NRXN3: variants seen among roughly 807,000 people sequenced by gnomAD.
NRXN3 encodes neurexin III.
NRXN3 carries 32 observed loss-of-function variants against 137.6 expected under a neutral mutation model. The observed-to-expected ratio is 0.23, with a 90% CI of 0.18 to 0.31. The LOEUF (loss-of-function observed/expected upper bound fraction) is 0.31. Ranked by LOEUF, NRXN3 falls within the 10% of genes least tolerant of loss-of-function variation. The pLI, the probability that NRXN3 is intolerant of heterozygous loss-of-function variation, is 1.00. For synonymous variants in NRXN3, 798 were observed against 784.5 expected, an observed-to-expected ratio of 1.02 and a Z score of -0.29; for missense variants, 1,574 against 2,062.5, an observed-to-expected ratio of 0.76 and a Z score of 4.59.
At chr14:79,339,212 C>G (rs1346985361) in intron 15 of NRXN3, among the ~76,000 whole-genome samples, 1 of 152,124 alleles carries the variant, frequency 6.6e-6, no homozygotes, top group Non-Finnish European at 1.5e-5. Flanking sequence ...TTATTTTCAC[C>G]TAAACGTTTC....
At chr14:79,546,727 C>T (rs764815869) in intron 16 of NRXN3, among the ~76,000 whole-genome samples, 1 of 152,190 alleles carries the variant, frequency 6.6e-6, no homozygotes, top group Non-Finnish European at 1.5e-5. Flanking sequence ...ACTAGATTTA[C>T]TTCCTGATAT....
intron 15 of NRXN3, among the ~76,000 whole-genome samples, chr14:79,091,304 T>C (rs2049135119): frequency 6.6e-6 from 1 of 152,118 alleles, no homozygotes; most frequent in Non-Finnish European, 1.5e-5. Flanking sequence ...AATGTCAAGA[T>C]AAGAAATTTG....
At chr14:79,035,380 T>C (rs2099614345) in intron 15 of NRXN3, among the ~76,000 whole-genome samples, 1 of 152,096 alleles carries the variant, frequency 6.6e-6, no homozygotes, top group Non-Finnish European at 1.5e-5. Context: ...ATTCTTTTCA[T>C]TATATAAAAC....
chr14:78,644,753 G>C (rs750389780), intron 4 of NRXN3, among the ~76,000 whole-genome samples: 15 of 152,172 alleles, frequency 9.9e-5, no homozygotes, highest in Non-Finnish European at 1.5e-4. Context: ...TTCTAAACCA[G>C]CTCTTCTACA....
intron 15 of NRXN3, among the ~76,000 whole-genome samples, chr14:79,370,129 C>A (rs2094042510): frequency 6.6e-6 from 1 of 152,156 alleles, no homozygotes; most frequent in Non-Finnish European, 1.5e-5. Flanking sequence ...TCACTTCTAT[C>A]CCCACCATTT....
chr14:78,184,939 T>C (rs149328912), intron 1 of NRXN3, among the ~76,000 whole-genome samples: 49 of 152,294 alleles, frequency 3.2e-4, no homozygotes, highest in Non-Finnish European at 5.6e-4. Flanking sequence ...ATGATACAGA[T>C]TTGATTTCTT....
At chr14:78,700,667 A>G (rs1327037698) in intron 6 of NRXN3, among the ~76,000 whole-genome samples, 2 of 152,114 alleles carry the variant, frequency 1.3e-5, no homozygotes, top group Non-Finnish European at 2.9e-5. Context: ...AGCTTAGTGG[A>G]CTCTGTGAAA....
chr14:78,873,469 C>G (rs1227811241), intron 10 of NRXN3, among the ~76,000 whole-genome samples: 3 of 152,114 alleles, frequency 2.0e-5, no homozygotes, highest in Non-Finnish European at 4.4e-5. Context: ...TGTTTGGGCT[C>G]ATAAAAATAA....
chr14:78,335,014 C>T (rs907106578), intron 4 of NRXN3, among the ~76,000 whole-genome samples: 1 of 152,082 alleles, frequency 6.6e-6, no homozygotes, highest in Non-Finnish European at 1.5e-5. Flanking sequence ...ACAGGGGATA[C>T]CCCTCACTTC....
intron 10 of NRXN3, among the ~76,000 whole-genome samples, chr14:78,826,677 G>A (rs776121929): frequency 1.3e-5 from 2 of 152,116 alleles, no homozygotes; most frequent in Non-Finnish European, 1.5e-5. Flanking sequence ...GTTTGTTTTG[G>A]TGATGTGTTT....
intron 4 of NRXN3, chr14:78,526,777 T>G: frequency 3.9e-6 from 2 of 517,688 alleles, no homozygotes; most frequent in South Asian, 2.8e-5. Context: ...AAAGCTGAGT[T>G]GGACTAAGTG....
At chr14:78,502,309 T>C (rs972029386) in intron 4 of NRXN3, among the ~76,000 whole-genome samples, 2 of 152,206 alleles carry the variant, frequency 1.3e-5, no homozygotes, top group African/African-American at 4.8e-5. Flanking sequence ...ATAGCTTTGT[T>C]ACATAGGTTG....
intron 17 of NRXN3, among the ~76,000 whole-genome samples, chr14:79,675,955 A>G (rs1262756616): frequency 6.6e-6 from 1 of 152,092 alleles, no homozygotes; most frequent in East Asian, 1.9e-4. Flanking sequence ...TAGCCACCCT[A>G]GCCTATTTCT....
At chr14:78,271,059 C>G (rs781445349) in intron 2 of NRXN3, among the ~76,000 whole-genome samples, 10 of 152,206 alleles carry the variant, frequency 6.6e-5, no homozygotes, top group Non-Finnish European at 1.5e-4. Context: ...TCCAGGAGAT[C>G]CTCCTCCTAC....
chr14:79,792,367 T>G (rs1182322419), intron 19 of NRXN3, among the ~76,000 whole-genome samples: 1 of 152,218 alleles, frequency 6.6e-6, no homozygotes, highest in Non-Finnish European at 1.5e-5. Context: ...TTCTGTTTAC[T>G]TCCAATCACC....
At chr14:79,017,569 G>T (rs1194031699) in intron 15 of NRXN3, among the ~76,000 whole-genome samples, 2 of 152,100 alleles carry the variant, frequency 1.3e-5, no homozygotes, top group Admixed American at 1.3e-4. Flanking sequence ...GAAACATTCA[G>T]ACTCTACCTA....
At chr14:78,836,541 G>A (rs574304385) in intron 10 of NRXN3, among the ~76,000 whole-genome samples, 52 of 152,268 alleles carry the variant, frequency 3.4e-4, no homozygotes, top group African/African-American at 9.4e-4. Context: ...GATGTAGCTC[G>A]TCTGTGGACC....
At chr14:79,276,940 A>G (rs2080378278) in intron 15 of NRXN3, among the ~76,000 whole-genome samples, 1 of 152,246 alleles carries the variant, frequency 6.6e-6, no homozygotes, top group African/African-American at 2.4e-5. Flanking sequence ...TCACACACAC[A>G]GAAAACAGGA....
rs116948386 is a variant in NRXN3 at position 78,869,792 on chromosome 14, A to G, written c.2275+59448A>G. The stretch of plus-strand genomic sequence containing the variant: ...TTAAAGAAAAAATTATAGAAGGACA[A>G]TTGTTAAAGCATGGTAGGGAAAGTT... On this transcript the variant is annotated intron_variant, in intron 10 of 20. Transcript: ENST00000335750. 6.4e-3 allele frequency among the ~76,000 whole-genome samples: 973 copies of G among 152,262 alleles called. 7 individuals carry two copies. The highest frequency in any genetic ancestry group is 0.014 in the Middle Eastern group (4 of 294).
Sources: allele counts gnomAD v4.1 joint callset (sites outside exome capture counted in the v4.1 genomes callset), GRCh38; gene constraint gnomAD v4.1.1; transcripts MANE v1.5; gene names NCBI Gene and HGNC (gene_info 2026-07-23, HGNC 2026-07-21).